EPHA3: variants seen among roughly 807,000 people sequenced by gnomAD.
EPHA3 encodes EPH receptor A3.
Under a neutral mutation model 107.1 loss-of-function variants are expected in EPHA3, and 42 were observed. That is an observed-to-expected ratio of 0.39 (90% CI 0.31 to 0.51). The LOEUF (loss-of-function observed/expected upper bound fraction) is 0.51. EPHA3 is among the 20% of genes least tolerant of loss of function. The pLI, the probability that EPHA3 is intolerant of heterozygous loss-of-function variation, is 0.78. For synonymous variants in EPHA3, 461 were observed against 424.8 expected, an observed-to-expected ratio of 1.09 and a Z score of -1.05; for missense variants, 1,183 against 1,211.2, an observed-to-expected ratio of 0.98 and a Z score of 0.35.
chr3:89,341,949 C>T lies in EPHA3; in HGVS notation c.1165C>T (p.Leu389Phe), dbSNP rs1400852070. The change falls in exon 5 of 17, where the codon CTC becomes TTC. Residue 389 changes from leucine (L) to phenylalanine (F), a missense_variant. Coordinates refer to ENST00000336596, the MANE Select transcript of EPHA3 (RefSeq NM_005233.6). The part of the protein sequence containing the change: ...NVRFLPRQFG[L>F]TNTTVTVTDL... ...CCGCTTCCTCCCTCGACAGTTTGGA[C>T]TCACCAACACCACGGTGACAGTGAC... The T allele has an allele frequency of 3.7e-6, 6 of 1,613,514 alleles. No individual in the cohort carries two copies. Among genetic ancestry groups the T allele is most frequent in the Middle Eastern group, 1.6e-4 (1 of 6,062 alleles).
intron 3 of EPHA3, among the ~76,000 whole-genome samples, chr3:89,284,367 A>G (rs1306340632): frequency 6.6e-6 from 1 of 152,182 alleles, no homozygotes; most frequent in African/African-American, 2.4e-5. Context: ...GGATAAACCA[A>G]TCTAGAACAT....
At chr3:89,219,689 T>TGG (rs1265976438) in intron 3 of EPHA3, among the ~76,000 whole-genome samples, 1 of 16,628 alleles carries the variant, frequency 6.0e-5, no homozygotes, top group Non-Finnish European at 1.3e-4. Context: ...TTTGGCAATG[T>TGG]TTTTTTTTTT....
intron 3 of EPHA3, among the ~76,000 whole-genome samples, chr3:89,218,474 T>G (rs2107199615): frequency 6.6e-6 from 1 of 152,230 alleles, no homozygotes; most frequent in Middle Eastern, 3.4e-3. Flanking sequence ...ACTCACCATT[T>G]TTTATGGCTG....
chr3:89,438,437 C>CA (rs1036679055), intron 13 of EPHA3, among the ~76,000 whole-genome samples: 13 of 151,348 alleles, frequency 8.6e-5, no homozygotes, highest in Non-Finnish European at 1.5e-4. Context: ...AAGGATAAGG[C>CA]AAAAAAAGAA....
At chr3:89,320,884 G>A (rs1370007136) in intron 3 of EPHA3, among the ~76,000 whole-genome samples, 1 of 151,982 alleles carries the variant, frequency 6.6e-6, no homozygotes, top group Non-Finnish European at 1.5e-5. Flanking sequence ...TCTGTAATGT[G>A]AAATTGAGAA....
At chr3:89,403,371 T>C (rs1173830343) in intron 7 of EPHA3, among the ~76,000 whole-genome samples, 1 of 152,178 alleles carries the variant, frequency 6.6e-6, no homozygotes, top group African/African-American at 2.4e-5. Context: ...TGTATCCTTT[T>C]ATACATGATC....
At chr3:89,198,873 T>C (rs6551405) in intron 2 of EPHA3, among the ~76,000 whole-genome samples, 147,490 of 152,292 alleles carry the variant, frequency 0.97, 71,447 homozygotes, top group African/African-American at 0.99. Flanking sequence ...AAGTAGTTGG[T>C]CATTTGTAAT....
At chr3:89,445,532 G>A (rs1440621150) in intron 13 of EPHA3, among the ~76,000 whole-genome samples, 2 of 152,100 alleles carry the variant, frequency 1.3e-5, no homozygotes, top group East Asian at 1.9e-4. Flanking sequence ...GATAAATTAC[G>A]GAAACATTTA....
At chr3:89,351,232 A>T (rs982439445) in intron 5 of EPHA3, among the ~76,000 whole-genome samples, 4 of 151,060 alleles carry the variant, frequency 2.6e-5, no homozygotes, top group Non-Finnish European at 4.4e-5. Flanking sequence ...GCTGCCTTGC[A>T]GTTTGATCTC....
chr3:89,388,172 T>C (rs1308704874), intron 5 of EPHA3, among the ~76,000 whole-genome samples: 3 of 152,208 alleles, frequency 2.0e-5, no homozygotes, highest in Non-Finnish European at 4.4e-5. Flanking sequence ...AATTTTTTTA[T>C]TTTAATATCA....
At chr3:89,350,151 T>C (rs200548071) in intron 5 of EPHA3, among the ~76,000 whole-genome samples, 1 of 151,018 alleles carries the variant, frequency 6.6e-6, no homozygotes, top group East Asian at 1.9e-4. Context: ...TTCCTGAATG[T>C]GAACGTTGGC....
chr3:89,449,294 G>A lies in EPHA3; in HGVS notation c.2416G>A (p.Asp806Asn), dbSNP rs2107553474. Residue 806 changes from aspartate to asparagine, a missense_variant, in exon 14 of 17, where the codon GAT becomes AAT. Asp to Asn is a conservative substitution (Grantham distance 23, BLOSUM62 1). Transcript: ENST00000336596. ...CTACCGCAAGTTCACGTCAGCCAGC[G>A]ATGTATGGAGTTATGGGATTGTTCT... is the stretch of plus-strand genomic sequence containing the variant. ...IAYRKFTSAS[D>N]VWSYGIVLWE... 2 of 1,612,754 alleles carry A rather than the reference G, an allele frequency of 1.2e-6. No individual in the cohort carries two copies. Among genetic ancestry groups the A allele is most frequent in the Non-Finnish European group, 1.7e-6 (2 of 1,179,144 alleles).
intron 5 of EPHA3, among the ~76,000 whole-genome samples, chr3:89,349,445 C>CT: frequency 7.0e-6 from 1 of 142,704 alleles, no homozygotes; most frequent in African/African-American, 2.7e-5. Context: ...CAACCCCTGC[C>CT]TTTTTTTGTT....
chr3:89,110,753 A>G (rs1707083510), intron 1 of EPHA3, among the ~76,000 whole-genome samples: 1 of 152,064 alleles, frequency 6.6e-6, no homozygotes, highest in Non-Finnish European at 1.5e-5. Context: ...CCTAGTTTCC[A>G]TACCACAGGG....
In EPHA3 at chr3:89,395,849, T is replaced by A; in HGVS notation, c.1319T>A (p.Val440Asp). ...CCTCTCTTTACAGCTCCATCACCTG[T>A]CCTGACGATTAAGAAAGATCGGACC... ...ITTNQAAPSP[V>D]LTIKKDRTSR... is the part of the protein sequence containing the mutation. Residue 440 changes from valine to aspartate, a missense_variant, in exon 6 of 17, where the codon GTC becomes GAC. By Grantham distance (152) the Val-to-Asp change is radical (BLOSUM62 -3). Coordinates refer to ENST00000336596, the MANE Select transcript of EPHA3 (RefSeq NM_005233.6). 1 of 1,614,002 alleles carries A rather than the reference T, an allele frequency of 6.2e-7. No individual in the cohort carries two copies.
At chr3:89,392,256 A>T (rs1022026997) in intron 5 of EPHA3, among the ~76,000 whole-genome samples, 2 of 152,112 alleles carry the variant, frequency 1.3e-5, no homozygotes, top group East Asian at 3.9e-4. Context: ...CCTTGCCAAC[A>T]TGCGAAACCC....
chr3:89,302,000 T>C (rs1706503311), intron 3 of EPHA3, among the ~76,000 whole-genome samples: 1 of 152,182 alleles, frequency 6.6e-6, no homozygotes, highest in Non-Finnish European at 1.5e-5. Context: ...CCTCACTGCC[T>C]TAGAAAAGTT....
chr3:89,386,647 G>A (rs1202898278), intron 5 of EPHA3, among the ~76,000 whole-genome samples: 1 of 152,224 alleles, frequency 6.6e-6, no homozygotes, highest in Admixed American at 6.5e-5. Flanking sequence ...GTGAAGCTGT[G>A]AGAAGAAGGC....
At chr3:89,209,359 TTAAAA>T (rs1706208681) in intron 2 of EPHA3, among the ~76,000 whole-genome samples, 1 of 152,122 alleles carries the variant, frequency 6.6e-6, no homozygotes, top group South Asian at 2.1e-4. Flanking sequence ...TGACAGTACA[TTAAAA>T]AATGTCATGC....
Sources: allele counts gnomAD v4.1 joint callset (sites outside exome capture counted in the v4.1 genomes callset), GRCh38; gene constraint gnomAD v4.1.1; transcripts MANE v1.5; gene names NCBI Gene and HGNC (gene_info 2026-07-23, HGNC 2026-07-21).